USP15: variants seen among roughly 807,000 people sequenced by gnomAD.
USP15 encodes the protein ubiquitin carboxyl-terminal hydrolase 15.
In USP15, 18 loss-of-function variants were observed where a neutral mutation model predicts 127.1. The ratio of observed to expected loss-of-function variants is 0.14; its 90% CI spans 0.10 to 0.21. The LOEUF is 0.21. Among genes scored for constraint, USP15 ranks in the 10% least tolerant of loss-of-function variants. The pLI, the probability that USP15 is intolerant of heterozygous loss-of-function variation, is 1.00. For synonymous variants in USP15, 364 were observed against 393.7 expected (o/e 0.92, Z 0.89); for missense variants, 805 against 1,159.9 (o/e 0.69, Z 4.44).
At chr12:62,342,285 C>A (rs2065670202) in intron 6 of USP15, among the ~76,000 whole-genome samples, 1 of 152,060 alleles carries the variant, frequency 6.6e-6, no homozygotes, top group Non-Finnish European at 1.5e-5. Context: ...CCTCGCTAAA[C>A]TGGTTATTGT....
chr12:62,266,694 G>A (rs1424830274), intron 1 of USP15, among the ~76,000 whole-genome samples: 2 of 152,010 alleles, frequency 1.3e-5, no homozygotes, highest in African/African-American at 2.4e-5. Context: ...GGTTGATTAT[G>A]TGCATTACGA....
At chr12:62,285,544 A>G (rs1452911552) in intron 1 of USP15, among the ~76,000 whole-genome samples, 1 of 150,624 alleles carries the variant, frequency 6.6e-6, no homozygotes, top group African/African-American at 2.5e-5. Context: ...GGACACTTAA[A>G]GTGTTTCCTA....
At chr12:62,334,467 T>C (rs2065398424) in intron 6 of USP15, among the ~76,000 whole-genome samples, 3 of 152,156 alleles carry the variant, frequency 2.0e-5, no homozygotes, top group Non-Finnish European at 4.4e-5. Flanking sequence ...TAAACTCTCT[T>C]TTGTGTATCT....
chr12:62,335,192 G>C (rs775870470), intron 6 of USP15: 9 of 1,535,644 alleles, frequency 5.9e-6, no homozygotes, highest in Non-Finnish European at 7.8e-6. Flanking sequence ...AGTTGCTAGT[G>C]AACAGTTTAA....
At chr12:62,328,581 T>C (rs1462362421) in intron 6 of USP15, among the ~76,000 whole-genome samples, 1 of 152,234 alleles carries the variant, frequency 6.6e-6, no homozygotes, top group Non-Finnish European at 1.5e-5. Context: ...AAGATTGTTA[T>C]GTGATATATG....
At chr12:62,351,128 AT>A (rs1319121538) in intron 7 of USP15, among the ~76,000 whole-genome samples, 2 of 152,068 alleles carry the variant, frequency 1.3e-5, no homozygotes, top group African/African-American at 4.8e-5. Flanking sequence ...AATCAAGAAC[AT>A]TTAAAACATT....
At chr12:62,301,936 A>C (rs1190743910) in intron 2 of USP15, among the ~76,000 whole-genome samples, 1 of 152,240 alleles carries the variant, frequency 6.6e-6, no homozygotes, top group African/African-American at 2.4e-5. Context: ...TTAAAAATTC[A>C]CATGGACAGA....
chr12:62,384,360 T>G, intron 11 of USP15, 58 bp downstream of exon 11: 1 of 1,325,684 alleles, frequency 7.5e-7, no homozygotes, highest in East Asian at 2.5e-5. Context: ...TTTGTTATTT[T>G]TATTAAAAAA....
intron 3 of USP15, among the ~76,000 whole-genome samples, chr12:62,307,712 C>T (rs568869792): frequency 3.1e-4 from 47 of 152,142 alleles, no homozygotes; most frequent in Non-Finnish European, 6.0e-4. Context: ...CACTCCATGT[C>T]CTCCCCATGG....
rs1054065144 is a variant in USP15 at position 62,404,808 on chromosome 12, G to T, written c.*433G>T. 4 of 153,682 alleles carry T rather than the reference G, an allele frequency of 2.6e-5. No homozygotes were observed. The highest frequency in any genetic ancestry group is 9.7e-5 in the African/African-American group (4 of 41,380). The allele number at this position is 153,682 out of a possible 1,614,324, so 9.5% of individuals were successfully genotyped here. A position where few individuals can be genotyped will look rare whatever the true frequency, so the allele number is the denominator to read the frequency against. On this transcript the variant is annotated 3_prime_UTR_variant, in exon 22 of 22. Transcript: ENST00000280377. ...TCTAGTTCATGTGCATTAGGCTGCCGTATATACTACTATGATATTTAGCTG... is the reference window on the plus strand; with the variant it reads ...TCTAGTTCATGTGCATTAGGCTGCCTTATATACTACTATGATATTTAGCTG...
intron 2 of USP15, among the ~76,000 whole-genome samples, 169 bp from the exon 3 acceptor site, chr12:62,302,621 A>G (rs2064350488): frequency 6.6e-6 from 1 of 152,098 alleles, no homozygotes; most frequent in Non-Finnish European, 1.5e-5. Context: ...TTCTTCCAAT[A>G]CGGCCCAGAG....
intron 3 of USP15, among the ~76,000 whole-genome samples, chr12:62,310,396 T>A (rs1403488958): frequency 6.6e-6 from 1 of 151,910 alleles, no homozygotes; most frequent in African/African-American, 2.4e-5. Context: ...TTCCTTATCC[T>A]TCCCAGTGTC....
chr12:62,336,173 G>A, intron 6 of USP15: 1 of 985,332 alleles, frequency 1.0e-6, no homozygotes, highest in Non-Finnish European at 1.2e-6. Flanking sequence ...TCAAAATTAG[G>A]TGATTCTATG....
At chr12:62,264,707 T>A (rs557316783) in intron 1 of USP15, among the ~76,000 whole-genome samples, 2 of 152,230 alleles carry the variant, frequency 1.3e-5, no homozygotes, top group South Asian at 4.1e-4. Context: ...TGATCCCTTA[T>A]GTTCGTGCAA....
At chr12:62,366,034 C>T (rs537935539) in intron 8 of USP15, among the ~76,000 whole-genome samples, 12 of 152,216 alleles carry the variant, frequency 7.9e-5, no homozygotes, top group East Asian at 3.9e-4. Flanking sequence ...TTGGCTATGC[C>T]GGCTCTTTTC....
At position 62,404,737 on chromosome 12, in the gene USP15, T is replaced by C. The variant is rs1188172028; in HGVS notation, c.*362T>C. 6.2e-6 allele frequency: 1 copy of C among 160,448 alleles called. No homozygotes were observed. The highest frequency in any genetic ancestry group is 6.3e-5 in the Admixed American group (1 of 15,852). The allele number at this position is 160,448 out of a possible 1,614,324, so 9.9% of individuals were successfully genotyped here. On this transcript the variant is annotated 3_prime_UTR_variant, in exon 22 of 22. Coordinates refer to ENST00000280377, the MANE Select transcript of USP15 (RefSeq NM_001252078.2). ...TGGATGTTGGTCATTTATTTTGCTC[T>C]AATAATACTGCAAGAAAACTATGGC...
chr12:62,330,279 A>C (rs534737941), intron 6 of USP15, among the ~76,000 whole-genome samples: 2 of 151,964 alleles, frequency 1.3e-5, no homozygotes, highest in Non-Finnish European at 2.9e-5. Context: ...TTTCTGGATG[A>C]AGCCTGGCTT....
At chr12:62,316,645 T>C (rs568598797) in intron 4 of USP15, among the ~76,000 whole-genome samples, 1 of 152,164 alleles carries the variant, frequency 6.6e-6, no homozygotes, top group South Asian at 2.1e-4. Context: ...TAAAGTTTGG[T>C]ATTTTCTTCT....
At chr12:62,340,451 C>T (rs1284914807) in intron 6 of USP15, among the ~76,000 whole-genome samples, 1 of 151,854 alleles carries the variant, frequency 6.6e-6, no homozygotes, top group Non-Finnish European at 1.5e-5. Flanking sequence ...GTTTGCTCTT[C>T]CTTCTTTAGT....
Sources: allele counts gnomAD v4.1 joint callset (sites outside exome capture counted in the v4.1 genomes callset), GRCh38; gene constraint gnomAD v4.1.1; transcripts MANE v1.5; gene names NCBI Gene and HGNC (gene_info 2026-07-23, HGNC 2026-07-21).